The following NADK2 variants were observed in gnomAD, a reference collection of about 807,000 sequenced individuals.
NADK2 encodes the protein NAD kinase domain-containing protein 1, mitochondrial.
NADK2 carries 35 observed loss-of-function variants against 62.1 expected under a neutral mutation model. That is an observed-to-expected ratio of 0.56 (90% confidence interval 0.43 to 0.75). The LOEUF is 0.75. NADK2 is among the 30% of genes least tolerant of loss of function. NADK2 has a pLI of 0.00. For synonymous variants in NADK2, 205 were observed against 207.9 expected (o/e 0.99, Z 0.12); for missense variants, 439 against 561.3 (o/e 0.78, Z 2.20).
chr5:36,198,652 T>A (rs960596218), intron 10 of NADK2, among the ~76,000 whole-genome samples: 2 of 148,578 alleles, frequency 1.3e-5, no homozygotes, highest in Non-Finnish European at 3.0e-5. Flanking sequence ...ATACCTGATA[T>A]AAATTTCAGT....
At chr5:36,231,596 C>A (rs1647312565) in intron 1 of NADK2, among the ~76,000 whole-genome samples, 1 of 152,208 alleles carries the variant, frequency 6.6e-6, no homozygotes, top group Admixed American at 6.5e-5. Flanking sequence ...GCTTAAATCA[C>A]TATTCAACTG....
chr5:36,207,505 A>G (rs924842937), intron 7 of NADK2, among the ~76,000 whole-genome samples: 22 of 151,884 alleles, frequency 1.4e-4, no homozygotes, highest in Middle Eastern at 3.4e-3. Context: ...CTTTCTGTCA[A>G]TACTTTAATA....
chr5:36,215,225 A>G (rs1746998323), intron 6 of NADK2, among the ~76,000 whole-genome samples: 1 of 152,102 alleles, frequency 6.6e-6, no homozygotes, highest in Non-Finnish European at 1.5e-5. Flanking sequence ...ACATTTTACC[A>G]TTAATTATGT....
intron 1 of NADK2, among the ~76,000 whole-genome samples, chr5:36,238,728 T>C (rs912381500): frequency 2.0e-5 from 3 of 152,102 alleles, no homozygotes; most frequent in Admixed American, 6.5e-5. Context: ...CATGAGACAG[T>C]AGAGGTAAAA....
chr5:36,235,802 A>G (rs1747883831), intron 1 of NADK2, among the ~76,000 whole-genome samples: 1 of 152,010 alleles, frequency 6.6e-6, no homozygotes, highest in South Asian at 2.1e-4. Context: ...AGCCAATTGG[A>G]TGAACCCTCC....
At chr5:36,238,433 G>A (rs2112210410) in intron 1 of NADK2, among the ~76,000 whole-genome samples, 1 of 152,336 alleles carries the variant, frequency 6.6e-6, no homozygotes. Flanking sequence ...TGATGGAGAG[G>A]AGGGCAGAAA....
intron 8 of NADK2, among the ~76,000 whole-genome samples, chr5:36,203,052 T>C (rs1561057075): frequency 2.0e-5 from 3 of 152,196 alleles, no homozygotes; most frequent in South Asian, 4.1e-4. Flanking sequence ...AAATAGACTA[T>C]CCTAATATTT....
Position 36,241,450 on chromosome 5 carries a change from A to G in NADK2, c.300+49T>C. ...CCCCCGAGGGGGCGCAGCCGCCACC[A>G]GAGCCCCGGCCGAGCCCGGGAGCGA... On this transcript the variant is annotated intron_variant, in intron 1 of 11. Transcript: ENST00000381937. The surrounding 1 kb of genome is among the most constrained non-coding windows in gnomAD (Gnocchi z 4.9). The G allele has an allele frequency of 4.7e-6, 7 of 1,488,864 alleles. No homozygotes were observed. Among genetic ancestry groups the G allele is most frequent in the Non-Finnish European group, 6.2e-6 (7 of 1,123,794 alleles). The allele number at this position is 1,488,864 out of a possible 1,614,324, so 92.2% of individuals were successfully genotyped here. A position where few individuals can be genotyped will look rare whatever the true frequency, so the allele number is the denominator to read the frequency against.
intron 7 of NADK2, chr5:36,208,719 A>G: frequency 7.1e-7 from 1 of 1,412,602 alleles, no homozygotes; most frequent in Non-Finnish European, 9.6e-7. Flanking sequence ...GAGAAAAGAA[A>G]ACAAAATTGG....
At chr5:36,195,823 G>A (rs948558332) in intron 11 of NADK2, among the ~76,000 whole-genome samples, 13 of 152,204 alleles carry the variant, frequency 8.5e-5, no homozygotes, top group African/African-American at 2.4e-4. Context: ...TCAAGCATAC[G>A]CACCTTCCTA....
chr5:36,208,671 C>A (rs1470471006), intron 7 of NADK2: 2 of 1,532,992 alleles, frequency 1.3e-6, no homozygotes, highest in Non-Finnish European at 1.7e-6. Flanking sequence ...TCCACTGCTA[C>A]AGCCCAAGAA....
At chr5:36,233,188 A>G (rs62356068) in intron 1 of NADK2, among the ~76,000 whole-genome samples, 6,786 of 152,254 alleles carry the variant, frequency 0.045, 220 homozygotes, top group Non-Finnish European at 0.066. Flanking sequence ...ATCTGGTCTA[A>G]TGCAAAAGCT....
Position 36,241,769 on chromosome 5 carries a change from G to T in NADK2, c.30C>A (p.Gly10=). The T allele has an allele frequency of 7.5e-7, 1 of 1,339,974 alleles. No individual in the cohort carries two copies. Among genetic ancestry groups the T allele is most frequent in the South Asian group, 1.7e-5 (1 of 59,292 alleles). 83.0% of individuals were successfully genotyped at this position (1,339,974 alleles called of 1,614,324 possible). Residue 10 remains glycine, a synonymous_variant, in exon 1 of 12, where the codon GGC becomes GGA. Transcript: ENST00000381937. This position sits in a 1 kb window ranked among gnomAD's most constrained non-coding sequence, Gnocchi z 4.9. The part of the protein sequence containing the change: MTCYRGFLL[G]SCCRVAGGRA... ...GGCCGCCCGCCACGCGACAACAGCT[G>T]CCCAGCAAGAAGCCTCGGTAGCAAG... is the stretch of plus-strand genomic sequence containing the variant.
At chr5:36,242,028 G>C, upstream of NADK2, 1 of 236,102 alleles carries the variant, frequency 4.2e-6, no homozygotes, top group Non-Finnish European at 8.1e-6. Context: ...GCGGGAGAAA[G>C]GTGGGCGGGG....
chr5:36,212,035 C>G lies in NADK2; in HGVS notation c.782-113G>C. The G allele has an allele frequency of 2.3e-5, 17 of 748,822 alleles. No homozygotes were observed. The South Asian group carries it at 2.9e-4, about 13-fold the overall frequency. The allele number at this position is 748,822 out of a possible 1,614,324, so 46.4% of individuals were successfully genotyped here. A position where few individuals can be genotyped will look rare whatever the true frequency, so the allele number is the denominator to read the frequency against. ...TATATTTTTGTTTTTAAAAGAATCA[C>G]ATACTTTAATACAGTTAACATTTAA... On this transcript the variant is annotated intron_variant, in intron 6 of 11. Transcript: ENST00000381937.
intron 1 of NADK2, among the ~76,000 whole-genome samples, chr5:36,238,836 C>T (rs1036329227): frequency 1.3e-5 from 2 of 152,038 alleles, no homozygotes; most frequent in African/African-American, 2.4e-5. Context: ...CAATATGAAA[C>T]GGTAAATAAA....
At position 36,197,661 on chromosome 5, in the gene NADK2, G is replaced by A; in HGVS notation, c.1070C>T (p.Thr357Ile). The A allele has an allele frequency of 6.5e-7, 1 of 1,546,444 alleles. No individual in the cohort carries two copies. The highest frequency in any genetic ancestry group is 1.2e-5 in the South Asian group (1 of 81,788). ...PLNRELVEKV[T>I]NEYNESLLYS... ...GAGCAGTGATTCATTATATTCATTTGTTACTACAAAGAAAAAAAAATTAGC... is the reference window on the plus strand; with the variant it reads ...GAGCAGTGATTCATTATATTCATTTATTACTACAAAGAAAAAAAAATTAGC... The change falls in exon 11 of 12, where the codon ACA becomes ATA. Residue 357 changes from threonine (T) to isoleucine (I), a missense_variant. Physicochemically the swap from Thr to Ile is moderately conservative, Grantham distance 89 (BLOSUM62 -1). Coordinates refer to ENST00000381937, the MANE Select transcript of NADK2 (RefSeq NM_001085411.3).
chr5:36,226,402 C>A, intron 3 of NADK2, 73 bp downstream of exon 3: 2 of 1,198,874 alleles, frequency 1.7e-6, no homozygotes, highest in Non-Finnish European at 2.5e-6. Context: ...ATAGCTAGAC[C>A]CTAGGGTATC....
At position 36,241,436 on chromosome 5, in the gene NADK2, G is replaced by C; in HGVS notation, c.300+63C>G. ...CGTCCCGAGAGGTCCCCCCGAGGGG[G>C]CGCAGCCGCCACCAGAGCCCCGGCC... On this transcript the variant is annotated intron_variant, in intron 1 of 11. Coordinates refer to ENST00000381937, the MANE Select transcript of NADK2 (RefSeq NM_001085411.3). The surrounding 1 kb of genome is among the most constrained non-coding windows in gnomAD (Gnocchi z 4.9). 1 of 1,468,718 alleles carries C rather than the reference G, an allele frequency of 6.8e-7. No homozygotes were observed. Among genetic ancestry groups the C allele is most frequent in the Non-Finnish European group, 9.0e-7 (1 of 1,113,458 alleles). 91.0% of individuals were successfully genotyped at this position (1,468,718 alleles called of 1,614,324 possible). A position where few individuals can be genotyped will look rare whatever the true frequency, so the allele number is the denominator to read the frequency against.
Sources: gnomAD v4.1 joint callset for allele counts (sites outside exome capture counted in the v4.1 genomes callset) on GRCh38, gnomAD v4.1.1 for gene constraint, Gnocchi (gnomAD v3.1) non-coding constraint, MANE v1.5 for transcripts, NCBI Gene and HGNC (gene_info 2026-07-23, HGNC 2026-07-21) for gene names.